The following TTC23L variants were observed in gnomAD, a reference collection of about 807,000 sequenced individuals.
TTC23L encodes tetratricopeptide repeat protein 23-like.
Under a neutral mutation model 48.1 loss-of-function variants are expected in TTC23L, and 42 were observed. The observed-to-expected ratio is 0.87, with a 90% confidence interval of 0.68 to 1.13. TTC23L has a LOEUF of 1.13. Ranked by LOEUF, TTC23L falls within the 50% of genes most tolerant of loss-of-function variation. The pLI, the probability that TTC23L is intolerant of heterozygous loss-of-function variation, is 0.00. For synonymous variants in TTC23L, 159 were observed against 157.2 expected (o/e 1.01, Z -0.09); for missense variants, 391 against 421.0 (o/e 0.93, Z 0.62).
At chr5:34,839,714 C>G in intron 1 of TTC23L, 1 of 949,806 alleles carries the variant, frequency 1.1e-6, no homozygotes, top group Non-Finnish European at 1.3e-6. Flanking sequence ...AAAGGAGAGG[C>G]GACTTGGTGG....
intron 8 of TTC23L, among the ~76,000 whole-genome samples, chr5:34,877,577 C>T (rs1023365009): frequency 2.0e-5 from 3 of 152,170 alleles, no homozygotes; most frequent in Admixed American, 6.5e-5. Context: ...GCACCTGCCA[C>T]CATGCCTGGC....
At chr5:34,913,533 A>G in the TTC23L span, 3 of 1,605,410 alleles carry the variant, frequency 1.9e-6, no homozygotes, top group East Asian at 4.5e-5. Flanking sequence ...TTAATTCGAA[A>G]AGTAACAGAC....
intron 9 of TTC23L, among the ~76,000 whole-genome samples, chr5:34,884,023 T>C (rs251647): frequency 0.32 from 49,102 of 151,912 alleles, 8,470 homozygotes; most frequent in South Asian, 0.49. Flanking sequence ...ACTAGCAAAC[T>C]AAATTTAACA....
At chr5:34,914,605 T>TA in the TTC23L span, 1 of 1,198,756 alleles carries the variant, frequency 8.3e-7, no homozygotes, top group African/African-American at 1.5e-5. Context: ...TTATGACTAT[T>TA]AAGTTATTTT....
At chr5:34,850,308 G>A in exon 4 of TTC23L, 1 of 1,613,524 alleles carries the variant, frequency 6.2e-7, no homozygotes, top group Non-Finnish European at 8.5e-7. Context: ...GACACTGAGA[G>A]GTACTTGGTT....
chr5:34,885,833 T>C (rs923521261), intron 9 of TTC23L, among the ~76,000 whole-genome samples: 1 of 152,124 alleles, frequency 6.6e-6, no homozygotes, highest in African/African-American at 2.4e-5. Flanking sequence ...TGTATGCATG[T>C]ATATTTATAT....
At chr5:34,845,781 T>C in intron 3 of TTC23L, 108 bp downstream of exon 3, 1 of 1,159,350 alleles carries the variant, frequency 8.6e-7, no homozygotes, top group African/African-American at 1.6e-5. Context: ...GAGGAAGGTG[T>C]CATATTTCTT....
At chr5:34,915,613 G>C in the TTC23L span, 8 of 1,220,218 alleles carry the variant, frequency 6.6e-6, no homozygotes, top group African/African-American at 4.7e-5. Context: ...AGACCGGAAG[G>C]AGGCGGCACA....
chr5:34,853,787 A>G (rs1176553151), intron 4 of TTC23L, among the ~76,000 whole-genome samples: 4 of 152,292 alleles, frequency 2.6e-5, no homozygotes, highest in Non-Finnish European at 5.9e-5. Context: ...GGTCATTGCA[A>G]CTTGGTTTGG....
chr5:34,918,391 C>A, the TTC23L span: 2 of 1,578,476 alleles, frequency 1.3e-6, no homozygotes, highest in Non-Finnish European at 1.7e-6. Flanking sequence ...GGAACGGATT[C>A]TCATCTTTTC....
intron 8 of TTC23L, among the ~76,000 whole-genome samples, chr5:34,873,950 T>A (rs146804819): frequency 6.6e-6 from 1 of 152,208 alleles, no homozygotes; most frequent in African/African-American, 2.4e-5. Context: ...ACCCCAGAAA[T>A]CCAGATTAAA....
At chr5:34,911,897 A>G in the TTC23L span, 1 of 1,466,782 alleles carries the variant, frequency 6.8e-7, no homozygotes, top group Non-Finnish European at 9.3e-7. Context: ...AAATTTCTCA[A>G]GAATAATTTA....
intron 4 of TTC23L, among the ~76,000 whole-genome samples, chr5:34,852,847 C>T (rs540603846): frequency 6.6e-6 from 1 of 152,184 alleles, no homozygotes; most frequent in Admixed American, 6.5e-5. Context: ...CTTGTGAGGC[C>T]TCACAATCAT....
At chr5:34,888,730 C>G (rs1762681449) in intron 9 of TTC23L, among the ~76,000 whole-genome samples, 1 of 152,174 alleles carries the variant, frequency 6.6e-6, no homozygotes, top group Non-Finnish European at 1.5e-5. Context: ...TCTCATAGAA[C>G]CCAGTATTAA....
intron 9 of TTC23L, among the ~76,000 whole-genome samples, chr5:34,893,514 T>C (rs1318186723): frequency 6.6e-6 from 1 of 152,146 alleles, no homozygotes; most frequent in African/African-American, 2.4e-5. Flanking sequence ...TACACTTATT[T>C]CAGAGAGAAT....
the TTC23L span, chr5:34,915,714 C>T: frequency 6.3e-7 from 1 of 1,584,646 alleles, no homozygotes; most frequent in Non-Finnish European, 8.6e-7. Context: ...GGAAAGGAGG[C>T]CAAGAGCGCG....
the TTC23L span, chr5:34,906,758 G>A: frequency 3.3e-5 from 5 of 152,190 alleles, no homozygotes; most frequent in African/African-American, 1.2e-4. Context: ...TCATCTAACA[G>A]AGTTACTAAA....
chr5:34,923,616 C>T, the TTC23L span, among the ~76,000 whole-genome samples: 1 of 152,054 alleles, frequency 6.6e-6, no homozygotes, highest in African/African-American at 2.4e-5. Flanking sequence ...GCAGTGTTGC[C>T]TAGGTTGGCC....
At chr5:34,921,218 G>T in the TTC23L span, 1 of 152,222 alleles carries the variant, frequency 6.6e-6, no homozygotes, top group Admixed American at 6.5e-5. Context: ...GAATACTACA[G>T]TAATACAAGC....
Sources: allele counts gnomAD v4.1 joint callset (sites outside exome capture counted in the v4.1 genomes callset), GRCh38; gene constraint gnomAD v4.1.1; transcripts MANE v1.5; gene names NCBI Gene and HGNC (gene_info 2026-07-23, HGNC 2026-07-21).